Variants in NELFA observed in about 807,000 individuals in gnomAD.
NELFA encodes the protein negative elongation factor A.
In NELFA, 35 loss-of-function variants were observed where a neutral mutation model predicts 51.8. That is an observed-to-expected ratio of 0.68 (90% confidence interval 0.52 to 0.90). The LOEUF (loss-of-function observed/expected upper bound fraction) is 0.90. Ranked by LOEUF, NELFA falls within the 40% of genes least tolerant of loss-of-function variation. The pLI, the probability that NELFA is intolerant of heterozygous loss-of-function variation, is 0.00. For synonymous variants in NELFA, 417 were observed against 338.4 expected (o/e 1.23, Z -2.55); for missense variants, 658 against 746.4 (o/e 0.88, Z 1.38).
chr4:1,989,982 G>A lies in NELFA; in HGVS notation c.383-113C>T, dbSNP rs1173236781. Reference sequence around the variant, plus strand: ...CTCCTCAGTTAGGGTTAGGTCATGGGAGCTTCGGCTGTCCCCTGAGGTCCT... The same window carrying A: ...CTCCTCAGTTAGGGTTAGGTCATGGAAGCTTCGGCTGTCCCCTGAGGTCCT... On this transcript the variant is annotated intron_variant, in intron 2 of 10. Transcript: ENST00000382882. The surrounding 1 kb of genome is among the most constrained non-coding windows in gnomAD (Gnocchi z 4.8). The A allele has an allele frequency of 1.5e-6, 2 of 1,317,594 alleles. No individual in the cohort carries two copies. The highest frequency in any genetic ancestry group is 2.4e-5 in the Admixed American group (1 of 42,534). 81.6% of individuals were successfully genotyped at this position (1,317,594 alleles called of 1,614,324 possible). A position where few individuals can be genotyped will look rare whatever the true frequency, so the allele number is the denominator to read the frequency against.
chr4:1,993,352 C>T (rs983612655), intron 1 of NELFA, among the ~76,000 whole-genome samples: 1 of 152,094 alleles, frequency 6.6e-6, no homozygotes, highest in Non-Finnish European at 1.5e-5. Context: ...CCGGCAGAGG[C>T]GGGCGGCTCA....
In NELFA at chr4:1,986,104, C is replaced by T. The variant is rs1441799602; in HGVS notation, c.835+10G>A. On this transcript the variant is annotated intron_variant, in intron 6 of 10. Transcript: ENST00000382882. ...CCCATTGCCGCCGACACGCAGGCCC[C>T]AACCCCCACCGAGAGTCTTCCTTCT... 3 of 1,551,000 alleles carry T rather than the reference C, an allele frequency of 1.9e-6. No homozygotes were observed. Among genetic ancestry groups the T allele is most frequent in the Non-Finnish European group, 2.6e-6 (3 of 1,147,014 alleles).
At chr4:1,985,017 G>GC (rs1242743580) in intron 7 of NELFA, 98 bp from the exon 8 acceptor site, 5 of 857,398 alleles carry the variant, frequency 5.8e-6, no homozygotes, top group East Asian at 2.9e-5. Flanking sequence ...ACAGGCTGTG[G>GC]CCCCCCGAGC....
chr4:2,001,795 C>T (rs1014448611), intron 1 of NELFA, among the ~76,000 whole-genome samples: 5 of 150,962 alleles, frequency 3.3e-5, no homozygotes, highest in Admixed American at 1.3e-4. Context: ...CCCAGCTACT[C>T]GGGAGGCTGA....
At chr4:2,008,627 T>G in intron 1 of NELFA, 123 bp downstream of exon 1, 6 of 1,046,928 alleles carry the variant, frequency 5.7e-6, no homozygotes, top group South Asian at 3.2e-5. Context: ...CCGGGGGGGT[T>G]AACAGTCTGA....
chr4:2,008,791 G>A lies in NELFA; in HGVS notation c.169C>T (p.Leu57=). Reference sequence around the variant, plus strand: ...CGCGGGAGGTGCAGCGTCCCGAGTAGCAACTTGAGCTTCACTGCCGACGAG... The same window carrying A: ...CGCGGGAGGTGCAGCGTCCCGAGTAACAACTTGAGCTTCACTGCCGACGAG... The part of the protein sequence containing the change: ...GLSSAVKLKL[L]LGTLHLPRRT... The change falls in exon 1 of 11, where the codon CTA becomes TTA. Residue 57 remains leucine, a synonymous_variant. Coordinates refer to ENST00000382882, the MANE Select transcript of NELFA (RefSeq NM_005663.5). 6.2e-7 allele frequency: 1 copy of A among 1,612,726 alleles called. No homozygotes were observed. The highest frequency in any genetic ancestry group is 8.5e-7 in the Non-Finnish European group (1 of 1,179,576).
rs542530324 is a variant in NELFA at position 1,989,370 on chromosome 4, C to T, written c.544+338G>A. Among the ~76,000 whole-genome samples, 1 of 152,352 alleles carries T rather than the reference C, an allele frequency of 6.6e-6. No individual in the cohort carries two copies. Among genetic ancestry groups the T allele is most frequent in the South Asian group, 2.1e-4 (1 of 4,828 alleles). ...CTTGAGACAGGGTCTCACTCTCTCC[C>T]AGGCTGGAGTGTAGTGGTGTGATCA... On this transcript the variant is annotated intron_variant, in intron 3 of 10. Transcript: ENST00000382882. This position sits in a 1 kb window ranked among gnomAD's most constrained non-coding sequence, Gnocchi z 4.8.
chr4:2,003,085 C>A (rs375654079), intron 1 of NELFA, among the ~76,000 whole-genome samples: 1 of 152,118 alleles, frequency 6.6e-6, no homozygotes, highest in East Asian at 1.9e-4. Flanking sequence ...GAACAGATAC[C>A]TCTCAAAAGA....
In NELFA at chr4:1,985,812, G is replaced by A. The variant is rs757852223; in HGVS notation, c.888C>T (p.Ala296=). 1 of 1,613,290 alleles carries A rather than the reference G, an allele frequency of 6.2e-7. No homozygotes were observed. Among genetic ancestry groups the A allele is most frequent in the South Asian group, 1.1e-5 (1 of 91,018 alleles). ...PAKEETVVEN[A]TPDYAAGLVS... ...CCAGGCCGGCTGCGTAGTCCGGGGT[G>A]GCGTTCTCCACCACCGTTTCCTCCT... Residue 296 remains alanine, a synonymous_variant, in exon 7 of 11, where the codon GCC becomes GCT. Transcript: ENST00000382882.
At chr4:1,999,693 G>A (rs1431758378) in intron 1 of NELFA, among the ~76,000 whole-genome samples, 1 of 152,120 alleles carries the variant, frequency 6.6e-6, no homozygotes, top group Non-Finnish European at 1.5e-5. Context: ...ATAATAGGGG[G>A]AGACTTTAAC....
rs1245943093 is a variant in NELFA, at chr4:1,984,132, C to T, written c.1037-19G>A. The stretch of plus-strand genomic sequence containing the variant: ...GATGGGGCTGCAAGTAGACCGGGGC[C>T]TGGTGAGGGGGCTGGACCCCCACCC... On this transcript the variant is annotated intron_variant, in intron 8 of 10. Transcript: ENST00000382882. 2.0e-6 allele frequency: 3 copies of T among 1,526,164 alleles called. No homozygotes were observed. The highest frequency in any genetic ancestry group is 1.7e-6 in the Non-Finnish European group (2 of 1,143,956). 94.5% of individuals were successfully genotyped at this position (1,526,164 alleles called of 1,614,324 possible).
chr4:1,983,968 A>C lies in NELFA; in HGVS notation c.1182T>G (p.Pro394=). Reference sequence around the variant, plus strand: ...CAGCCGGAGGTGTGGTGGGTGTCAGAGGCGAGGTGGGCGCCGCAGGCGTGG... The same window carrying C: ...CAGCCGGAGGTGTGGTGGGTGTCAGCGGCGAGGTGGGCGCCGCAGGCGTGG... ...ATPTPAAPTS[P]LTPTTPPAVA... is the part of the protein sequence containing the mutation. Residue 394 remains proline (P), a synonymous_variant, in exon 9 of 11, where the codon CCT becomes CCG. Transcript: ENST00000382882. 6.2e-7 allele frequency: 1 copy of C among 1,610,138 alleles called. No homozygotes were observed. Among genetic ancestry groups the C allele is most frequent in the Non-Finnish European group, 8.5e-7 (1 of 1,179,288 alleles).
Position 1,986,144 on chromosome 4 carries a change from G to T in NELFA, c.805C>A (p.Arg269=). ...ISELDMVGAG[R]EAKRRRKTLD... Reference sequence around the variant, plus strand: ...GTCTTCCTTCTCCGCTTCGCCTCTCGGCCAGCGCCAACCATATCCAGCTCA... The same window carrying T: ...GTCTTCCTTCTCCGCTTCGCCTCTCTGCCAGCGCCAACCATATCCAGCTCA... Residue 269 remains arginine (R), a synonymous_variant, in exon 6 of 11, where the codon CGA becomes AGA. Coordinates refer to ENST00000382882, the MANE Select transcript of NELFA (RefSeq NM_005663.5). 1 of 1,554,624 alleles carries T rather than the reference G, an allele frequency of 6.4e-7. No homozygotes were observed. The highest frequency in any genetic ancestry group is 8.7e-7 in the Non-Finnish European group (1 of 1,148,900).
rs1362723647 is a variant in NELFA at position 1,987,882 on chromosome 4, A to G, written c.634+36T>C. 5.1e-6 allele frequency: 8 copies of G among 1,554,690 alleles called. No homozygotes were observed. In the East Asian group the frequency reaches 9.2e-5, roughly 18 times the overall value. On this transcript the variant is annotated intron_variant, in intron 4 of 10. Transcript: ENST00000382882. ...AGGTGAAGCCCTTAGCTCTGCCCCAAAAGCAAGGCTCACGGCACCAGGGTG... is the reference window on the plus strand; with the variant it reads ...AGGTGAAGCCCTTAGCTCTGCCCCAGAAGCAAGGCTCACGGCACCAGGGTG...
At chr4:2,000,609 C>G (rs1472897043) in intron 1 of NELFA, among the ~76,000 whole-genome samples, 2 of 152,080 alleles carry the variant, frequency 1.3e-5, no homozygotes, top group African/African-American at 2.4e-5. Context: ...AGGAAGAAGT[C>G]GAATCCCTGA....
At chr4:1,994,471 A>C (rs1415368102) in intron 1 of NELFA, among the ~76,000 whole-genome samples, 1 of 152,014 alleles carries the variant, frequency 6.6e-6, no homozygotes, top group Non-Finnish European at 1.5e-5. Flanking sequence ...AAGGTGAGGC[A>C]GGAGAATTGC....
intron 1 of NELFA, among the ~76,000 whole-genome samples, chr4:1,998,561 C>T (rs984722326): frequency 6.6e-6 from 1 of 152,062 alleles, no homozygotes; most frequent in Non-Finnish European, 1.5e-5. Flanking sequence ...AGAGTTTGAA[C>T]ACCACCTTAC....
In NELFA at chr4:1,983,691, T is replaced by G. The variant is rs762734042; in HGVS notation, c.1307A>C (p.Glu436Ala). ...CATCTCCTGGGCAGCGAACATCTGC[T>G]CTCTCTACAGCGGGGAGAGGGGTGT... is the stretch of plus-strand genomic sequence containing the variant. The part of the protein sequence containing the change: ...QPKKNLSLTR[E>A]QMFAAQEMFK... The change falls in exon 10 of 11, where the codon GAG becomes GCG. Residue 436 changes from glutamate (E) to alanine (A), a missense_variant. Transcript: ENST00000382882. 4 of 1,613,758 alleles carry G rather than the reference T, an allele frequency of 2.5e-6. No homozygotes were observed. The highest frequency in any genetic ancestry group is 1.1e-5 in the South Asian group (1 of 91,082).
Position 2,008,798 on chromosome 4 carries a change from G to A in NELFA, c.162C>T (p.Leu54=), listed in dbSNP as rs1277993921. ...GGTGCAGCGTCCCGAGTAGCAACTT[G>A]AGCTTCACTGCCGACGAGAGGCCAT... ...CFHGLSSAVK[L]KLLLGTLHLP... is the part of the protein sequence containing the mutation. The change falls in exon 1 of 11, where the codon CTC becomes CTT. Residue 54 remains leucine (L), a synonymous_variant. Transcript: ENST00000382882. 9 of 1,612,720 alleles carry A rather than the reference G, an allele frequency of 5.6e-6. No individual in the cohort carries two copies. The highest frequency in any genetic ancestry group is 5.9e-6 in the Non-Finnish European group (7 of 1,179,632).
Sources: allele counts gnomAD v4.1 joint callset (sites outside exome capture counted in the v4.1 genomes callset), GRCh38; gene constraint gnomAD v4.1.1; non-coding constraint Gnocchi (gnomAD v3.1); transcripts MANE v1.5; gene names NCBI Gene and HGNC (gene_info 2026-07-23, HGNC 2026-07-21).